The following RUNX1 variants were observed in gnomAD, a reference collection of about 807,000 sequenced individuals.
RUNX1 encodes the protein RUNX family transcription factor 1.
Under a neutral mutation model 42.8 loss-of-function variants are expected in RUNX1, and 19 were observed. That is an observed-to-expected ratio of 0.44 (90% CI 0.31 to 0.65). The LOEUF is 0.65. Ranked by LOEUF, RUNX1 falls within the 30% of genes least tolerant of loss-of-function variation. The pLI is 0.07. For missense variants in RUNX1, 528 were observed against 672.0 expected (o/e 0.79, Z 2.37); for synonymous variants, 271 against 289.4 (o/e 0.94, Z 0.64).
chr21:34,887,960 A>G (rs1427742487), intron 3 of RUNX1: 30 of 1,065,896 alleles, frequency 2.8e-5, no homozygotes, highest in Non-Finnish European at 3.3e-5. Flanking sequence ...AATCATAAGA[A>G]GGCCCAGTCG....
intron 2 of RUNX1, among the ~76,000 whole-genome samples, chr21:34,993,559 G>GCACACA (rs2058963987): frequency 2.7e-5 from 1 of 36,730 alleles, no homozygotes; most frequent in African/African-American, 1.2e-4. Flanking sequence ...ACACACACAG[G>GCACACA]CACAGACACA....
intron 7 of RUNX1, among the ~76,000 whole-genome samples, chr21:34,820,874 G>C (rs1043041465): frequency 3.3e-5 from 5 of 152,170 alleles, no homozygotes; most frequent in Non-Finnish European, 7.3e-5. Context: ...ACCCGAACCA[G>C]CCAATGGGAA....
chr21:34,856,574 C>T (rs915861956), intron 6 of RUNX1: 9 of 402,288 alleles, frequency 2.2e-5, no homozygotes, highest in Admixed American at 3.2e-5. Flanking sequence ...ATTCTGTTAA[C>T]GCTTCATCAT....
chr21:34,954,793 G>C (rs563757564), intron 2 of RUNX1, among the ~76,000 whole-genome samples: 1 of 152,174 alleles, frequency 6.6e-6, no homozygotes, highest in South Asian at 2.1e-4. Context: ...TTCTCGCAGA[G>C]GAGAAGTTTT....
intron 2 of RUNX1, among the ~76,000 whole-genome samples, chr21:34,980,265 A>G (rs1304561152): frequency 6.6e-6 from 1 of 152,224 alleles, no homozygotes; most frequent in African/African-American, 2.4e-5. Context: ...GCATCTTGCA[A>G]GTACCCAGGG....
chr21:34,981,570 A>G (rs1418851691), intron 2 of RUNX1, among the ~76,000 whole-genome samples: 1 of 152,208 alleles, frequency 6.6e-6, no homozygotes, highest in African/African-American at 2.4e-5. Context: ...CAAAAAAAAG[A>G]GTATTCATTA....
chr21:34,887,278 C>CT, intron 3 of RUNX1, 182 bp from the exon 4 acceptor site: 9 of 1,435,512 alleles, frequency 6.3e-6, no homozygotes, highest in Non-Finnish European at 8.3e-6. Flanking sequence ...AGGAGGGAGA[C>CT]TAAGTTACTA....
chr21:34,918,127 C>CAAAA (rs71324335), intron 2 of RUNX1, among the ~76,000 whole-genome samples: 1,827 of 71,184 alleles, frequency 0.026, 88 homozygotes, highest in African/African-American at 0.092. Flanking sequence ...GACTCTGTCT[C>CAAAA]AAAAAAAAAA....
chr21:34,904,749 A>G (rs2058204381), intron 2 of RUNX1, among the ~76,000 whole-genome samples: 1 of 152,186 alleles, frequency 6.6e-6, no homozygotes, highest in African/African-American at 2.4e-5. Flanking sequence ...TGCAGCAAAT[A>G]TTTACATAAA....
In RUNX1 at chr21:34,792,073, G is replaced by A. The variant is rs2056444463; in HGVS notation, c.*62C>T. ...CCGGCGGGCTTGTCGCGAACAGGAG[G>A]CCCGCGCGCCCGGAGGCGAAGGCGG... On this transcript the variant is annotated 3_prime_UTR_variant, in exon 9 of 9. Coordinates refer to ENST00000675419, the MANE Select transcript of RUNX1 (RefSeq NM_001754.5). The surrounding 1 kb of genome is among the most constrained non-coding windows in gnomAD (Gnocchi z 6.9). The A allele has an allele frequency of 2.8e-6, 3 of 1,053,112 alleles. No individual in the cohort carries two copies. Among genetic ancestry groups the A allele is most frequent in the South Asian group, 4.4e-5 (2 of 45,016 alleles). The allele number at this position is 1,053,112 out of a possible 1,614,324, so 65.2% of individuals were successfully genotyped here.
rs552104383 is a variant in RUNX1, at chr21:34,925,524, T to C, written c.59-32561A>G. Reference sequence around the variant, plus strand: ...AAGGCAGAGACTGAAGTGATGCAGTTACAAGCCAAGGAGTGTCAAGGATTG... The same window carrying C: ...AAGGCAGAGACTGAAGTGATGCAGTCACAAGCCAAGGAGTGTCAAGGATTG... On this transcript the variant is annotated intron_variant, in intron 2 of 8. Coordinates refer to ENST00000675419, the MANE Select transcript of RUNX1 (RefSeq NM_001754.5). 5.3e-5 allele frequency among the ~76,000 whole-genome samples: 8 copies of C among 152,254 alleles called. No homozygotes were observed. In the South Asian group the frequency reaches 1.7e-3, roughly 32 times the overall value.
At chr21:34,861,916 CT>C (rs1345477067) in intron 5 of RUNX1, among the ~76,000 whole-genome samples, 1 of 152,038 alleles carries the variant, frequency 6.6e-6, no homozygotes, top group Non-Finnish European at 1.5e-5. Context: ...CTGTGTAGAC[CT>C]AGTCTCCCAG....
intron 4 of RUNX1, among the ~76,000 whole-genome samples, chr21:34,882,944 AC>A (rs2146379524): frequency 6.6e-6 from 1 of 152,338 alleles, no homozygotes; most frequent in East Asian, 1.9e-4. Flanking sequence ...TGGGTTTCAA[AC>A]TGAATAACTC....
At chr21:34,924,727 C>G (rs2058380232) in intron 2 of RUNX1, among the ~76,000 whole-genome samples, 1 of 152,206 alleles carries the variant, frequency 6.6e-6, no homozygotes, top group Non-Finnish European at 1.5e-5. Context: ...TTCCCTGTCT[C>G]AATCAGCTTG....
intron 2 of RUNX1, among the ~76,000 whole-genome samples, chr21:34,942,958 G>A (rs2058538520): frequency 6.6e-6 from 1 of 152,214 alleles, no homozygotes; most frequent in African/African-American, 2.4e-5. Flanking sequence ...GTCAAGTCAA[G>A]CTCCTAGGAC....
At chr21:34,996,521 T>A (rs2058997760) in intron 2 of RUNX1, among the ~76,000 whole-genome samples, 1 of 151,788 alleles carries the variant, frequency 6.6e-6, no homozygotes, top group South Asian at 2.1e-4. Flanking sequence ...CACGAGATGC[T>A]GGGGGTGTGG....
At chr21:35,042,813 C>T (rs1268290383) in intron 2 of RUNX1, among the ~76,000 whole-genome samples, 1 of 152,224 alleles carries the variant, frequency 6.6e-6, no homozygotes. Flanking sequence ...TCTCTACGTG[C>T]AGCCAAACAT....
intron 2 of RUNX1, chr21:35,038,737 C>T: frequency 2.2e-6 from 1 of 454,174 alleles, no homozygotes; most frequent in South Asian, 1.6e-5. Flanking sequence ...CATATATATC[C>T]CTAATGGGAA....
chr21:34,983,741 G>C (rs1219694063), intron 2 of RUNX1, among the ~76,000 whole-genome samples: 1 of 152,154 alleles, frequency 6.6e-6, no homozygotes, highest in East Asian at 1.9e-4. Flanking sequence ...AATGGTTTGA[G>C]ACTCACTATT....
Sources: gnomAD v4.1 joint callset for allele counts (sites outside exome capture counted in the v4.1 genomes callset) on GRCh38, gnomAD v4.1.1 for gene constraint, Gnocchi (gnomAD v3.1) non-coding constraint, MANE v1.5 for transcripts, NCBI Gene and HGNC (gene_info 2026-07-23, HGNC 2026-07-21) for gene names.